The following PRKCA variants were observed in gnomAD, a reference collection of about 807,000 sequenced individuals.
PRKCA encodes protein kinase C alpha type.
PRKCA carries 27 observed loss-of-function variants against 87.0 expected under a neutral mutation model. The observed-to-expected ratio is 0.31, with a 90% CI of 0.23 to 0.43. PRKCA has a LOEUF of 0.43. PRKCA is among the 20% of genes least tolerant of loss of function. The pLI, the probability that PRKCA is intolerant of heterozygous loss-of-function variation, is 1.00. For synonymous variants in PRKCA, 329 were observed against 311.1 expected, an observed-to-expected ratio of 1.06 and a Z score of -0.61; for missense variants, 518 against 852.3, an observed-to-expected ratio of 0.61 and a Z score of 4.88.
At chr17:66,394,013 T>TG (rs1400442850) in intron 2 of PRKCA, among the ~76,000 whole-genome samples, 1 of 151,778 alleles carries the variant, frequency 6.6e-6, no homozygotes, top group East Asian at 1.9e-4. Context: ...AGGCGGAGGT[T>TG]GCAGTGAACT....
At chr17:66,332,229 C>CTT (rs59302970) in intron 2 of PRKCA, among the ~76,000 whole-genome samples, 17 of 129,910 alleles carry the variant, frequency 1.3e-4, no homozygotes, top group African/African-American at 4.3e-4. Context: ...TTCCTTCCTT[C>CTT]TTTTTTTTTT....
At chr17:66,471,740 C>CA (rs1434045021) in intron 2 of PRKCA, among the ~76,000 whole-genome samples, 1 of 148,032 alleles carries the variant, frequency 6.8e-6, no homozygotes, top group Non-Finnish European at 1.5e-5. Context: ...TCTGACTTAT[C>CA]AAATCCGCAG....
intron 2 of PRKCA, among the ~76,000 whole-genome samples, chr17:66,370,277 G>A (rs1036953081): frequency 7.4e-6 from 1 of 134,320 alleles, no homozygotes; most frequent in Non-Finnish European, 1.5e-5. Flanking sequence ...TGTCGCCCAG[G>A]CTGGAGTGCA....
chr17:66,730,131 AGCACAG>A (rs1302423083), intron 8 of PRKCA, among the ~76,000 whole-genome samples: 3 of 152,154 alleles, frequency 2.0e-5, no homozygotes, highest in Non-Finnish European at 4.4e-5. Context: ...ATCACCCAAC[AGCACAG>A]CATCTGATAA....
intron 2 of PRKCA, among the ~76,000 whole-genome samples, chr17:66,333,632 G>A (rs1026836220): frequency 5.3e-5 from 8 of 152,230 alleles, no homozygotes; most frequent in African/African-American, 1.9e-4. Flanking sequence ...AGGGGTCTGG[G>A]CTACGTAAAT....
chr17:66,377,245 G>C (rs935832407), intron 2 of PRKCA, among the ~76,000 whole-genome samples: 1 of 151,994 alleles, frequency 6.6e-6, no homozygotes, highest in Non-Finnish European at 1.5e-5. Context: ...GGCTGGGCTC[G>C]AACTCTTGAC....
intron 8 of PRKCA, among the ~76,000 whole-genome samples, chr17:66,727,742 G>T (rs963154023): frequency 3.9e-5 from 6 of 152,180 alleles, no homozygotes; most frequent in Non-Finnish European, 5.9e-5. Context: ...GGTCAGCCAG[G>T]CTAGGGATGG....
In PRKCA at chr17:66,688,301, G is replaced by A; in HGVS notation, c.687-1G>A. 6.2e-7 allele frequency: 1 copy of A among 1,613,940 alleles called. No homozygotes were observed. The highest frequency in any genetic ancestry group is 8.5e-7 in the Non-Finnish European group (1 of 1,179,964). On this transcript the variant is annotated splice_acceptor_variant, in intron 6 of 16. Transcript: ENST00000413366. LOFTEE classifies it high-confidence loss of function. ...TGTTTGCATGTGTGTGTGTCTTGTA[G>A]CAAATTGAAACCTTCAGACAAAGAC...
At chr17:66,536,560 C>G (rs1468504148) in intron 3 of PRKCA, among the ~76,000 whole-genome samples, 1 of 152,194 alleles carries the variant, frequency 6.6e-6, no homozygotes, top group East Asian at 1.9e-4. Context: ...TGGCTTCTTC[C>G]CTTACTGGCC....
chr17:66,741,605 A>C, intron 11 of PRKCA, 54 bp from the exon 12 acceptor site: 1 of 1,562,420 alleles, frequency 6.4e-7, no homozygotes, highest in East Asian at 2.2e-5. Flanking sequence ...AATGTAAAGT[A>C]TACAGGCATC....
At chr17:66,335,183 C>CAATG (rs1385265733) in intron 2 of PRKCA, among the ~76,000 whole-genome samples, 1 of 152,108 alleles carries the variant, frequency 6.6e-6, no homozygotes, top group African/African-American at 2.4e-5. Flanking sequence ...GGCTGGACTG[C>CAATG]AATGGTGTGA....
At chr17:66,336,657 T>TCGCC in intron 2 of PRKCA, among the ~76,000 whole-genome samples, 1 of 131,804 alleles carries the variant, frequency 7.6e-6, no homozygotes, top group South Asian at 2.3e-4. Context: ...TATTAAACAT[T>TCGCC]TGCCTATATA....
intron 8 of PRKCA, among the ~76,000 whole-genome samples, chr17:66,729,475 G>A (rs1275246009): frequency 1.3e-5 from 2 of 152,174 alleles, no homozygotes; most frequent in East Asian, 3.9e-4. Context: ...TCATTGCCGG[G>A]GCCAGTTTTT....
At chr17:66,736,078 C>T (rs1013310951) in intron 10 of PRKCA, among the ~76,000 whole-genome samples, 3 of 151,608 alleles carry the variant, frequency 2.0e-5, no homozygotes, top group Admixed American at 1.3e-4. Context: ...ACGGGGGTTT[C>T]ACCATGTTTC....
intron 8 of PRKCA, among the ~76,000 whole-genome samples, chr17:66,716,610 A>G (rs1025921267): frequency 3.9e-5 from 6 of 152,216 alleles, no homozygotes; most frequent in Non-Finnish European, 8.8e-5. Flanking sequence ...GGCGTGCACC[A>G]CCAAGATTAG....
chr17:66,539,584 T>C (rs913898656), intron 3 of PRKCA, among the ~76,000 whole-genome samples: 2 of 152,014 alleles, frequency 1.3e-5, no homozygotes, highest in African/African-American at 2.4e-5. Flanking sequence ...TTTTTTATTT[T>C]TAGTAGAGAT....
At chr17:66,610,371 C>T (rs1466606829) in intron 3 of PRKCA, among the ~76,000 whole-genome samples, 1 of 152,156 alleles carries the variant, frequency 6.6e-6, no homozygotes, top group African/African-American at 2.4e-5. Flanking sequence ...GGCCTTCTCA[C>T]ACAGGCATGA....
intron 3 of PRKCA, among the ~76,000 whole-genome samples, chr17:66,623,996 A>T (rs557563477): frequency 6.6e-6 from 1 of 152,282 alleles, no homozygotes; most frequent in Admixed American, 6.5e-5. Flanking sequence ...GCTGTACCCA[A>T]AGACACTGAG....
chr17:66,390,997 C>T (rs1284181351), intron 2 of PRKCA, among the ~76,000 whole-genome samples: 1 of 152,164 alleles, frequency 6.6e-6, no homozygotes, highest in Admixed American at 6.5e-5. Flanking sequence ...TGGTGCAGTC[C>T]ACTGCTGGTG....
Sources: gnomAD v4.1 joint callset for allele counts (sites outside exome capture counted in the v4.1 genomes callset) on GRCh38, gnomAD v4.1.1 for gene constraint, MANE v1.5 for transcripts, NCBI Gene and HGNC (gene_info 2026-07-23, HGNC 2026-07-21) for gene names.